The following ATOSA variants were observed in gnomAD, a reference collection of about 807,000 sequenced individuals.
ATOSA encodes the protein atos homolog A, also known as atos homolog protein A.
At chr15:52,682,280 CAA>C in the ATOSA span, among the ~76,000 whole-genome samples, 6 of 142,714 alleles carry the variant, frequency 4.2e-5, no homozygotes, top group African/African-American at 1.3e-4. Flanking sequence ...GTTCTCCCCT[CAA>C]AAAAAAAAAA....
the ATOSA span, chr15:52,610,257 T>C: frequency 1.2e-6 from 2 of 1,613,892 alleles, no homozygotes; most frequent in African/African-American, 1.3e-5. Context: ...GATAATTAGA[T>C]TGTCTGGGCA....
At chr15:52,667,638 C>G in the ATOSA span, among the ~76,000 whole-genome samples, 1 of 152,178 alleles carries the variant, frequency 6.6e-6, no homozygotes, top group Admixed American at 6.5e-5. Flanking sequence ...ATTACCATGG[C>G]TGATTTCAAG....
the ATOSA span, among the ~76,000 whole-genome samples, chr15:52,619,678 C>T: frequency 7.3e-5 from 11 of 151,706 alleles, no homozygotes; most frequent in African/African-American, 2.7e-4. Context: ...ACTAAAAATA[C>T]AAAAATCAGC....
the ATOSA span, among the ~76,000 whole-genome samples, chr15:52,682,628 G>A: frequency 2.0e-5 from 3 of 152,272 alleles, no homozygotes; most frequent in Admixed American, 1.3e-4. Context: ...ATAAGTGGTT[G>A]AGAGTCAAAT....
At chr15:52,665,279 G>A in the ATOSA span, among the ~76,000 whole-genome samples, 1 of 152,178 alleles carries the variant, frequency 6.6e-6, no homozygotes, top group African/African-American at 2.4e-5. Flanking sequence ...AAATTACGGG[G>A]GTGAGGGGAG....
the ATOSA span, among the ~76,000 whole-genome samples, chr15:52,589,543 T>A: frequency 3.3e-5 from 5 of 151,990 alleles, no homozygotes; most frequent in Non-Finnish European, 5.9e-5. Context: ...TCAATTTATT[T>A]AAAAAAACAG....
chr15:52,627,867 G>A, the ATOSA span, among the ~76,000 whole-genome samples: 8 of 152,088 alleles, frequency 5.3e-5, no homozygotes, highest in African/African-American at 1.7e-4. Context: ...AGCCAATTCT[G>A]CCATCTGATT....
the ATOSA span, chr15:52,656,623 G>A: frequency 6.6e-6 from 1 of 152,046 alleles, no homozygotes; most frequent in East Asian, 1.9e-4. Flanking sequence ...AGAAGAAAAT[G>A]TTCTAGCCTG....
chr15:52,642,598 C>T, the ATOSA span, among the ~76,000 whole-genome samples: 25 of 152,168 alleles, frequency 1.6e-4, no homozygotes, highest in African/African-American at 5.8e-4. Flanking sequence ...GAGTACAAAA[C>T]TTGTTCCAAC....
the ATOSA span, among the ~76,000 whole-genome samples, chr15:52,681,445 A>G: frequency 1.3e-5 from 2 of 152,196 alleles, no homozygotes; most frequent in African/African-American, 2.4e-5. Context: ...TGTTTCACCT[A>G]TAAAAGTGAG....
At chr15:52,595,436 A>G in the ATOSA span, among the ~76,000 whole-genome samples, 3 of 152,208 alleles carry the variant, frequency 2.0e-5, no homozygotes, top group Admixed American at 6.5e-5. Context: ...TTTATGGATT[A>G]AGGCAAATGA....
chr15:52,590,417 A>G, the ATOSA span, among the ~76,000 whole-genome samples: 1 of 152,180 alleles, frequency 6.6e-6, no homozygotes, highest in Non-Finnish European at 1.5e-5. Context: ...CCGGAGAATA[A>G]TATTATATGG....
At chr15:52,651,875 C>T in the ATOSA span, 3 of 1,535,380 alleles carry the variant, frequency 2.0e-6, no homozygotes, top group African/African-American at 4.1e-5. Context: ...CACACCTTCT[C>T]TGTGAAGCCC....
the ATOSA span, chr15:52,605,269 T>A: frequency 6.7e-7 from 1 of 1,492,796 alleles, no homozygotes; most frequent in Non-Finnish European, 9.2e-7. Context: ...TAATTAGATG[T>A]TAATTGTAAT....
chr15:52,601,773 G>A, the ATOSA span, among the ~76,000 whole-genome samples: 1 of 151,506 alleles, frequency 6.6e-6, no homozygotes, highest in Non-Finnish European at 1.5e-5. Flanking sequence ...TTAATTAAAG[G>A]TAAAATCATA....
At chr15:52,619,709 G>A in the ATOSA span, among the ~76,000 whole-genome samples, 2 of 151,932 alleles carry the variant, frequency 1.3e-5, no homozygotes, top group African/African-American at 4.8e-5. Flanking sequence ...GTGCATGCTT[G>A]TAATCCCAGC....
At chr15:52,602,589 TA>T in the ATOSA span, among the ~76,000 whole-genome samples, 1 of 152,328 alleles carries the variant, frequency 6.6e-6, no homozygotes, top group African/African-American at 2.4e-5. Flanking sequence ...TTTTTATGGC[TA>T]TTTCTTAGCT....
chr15:52,649,784 C>CT, the ATOSA span: 2 of 152,162 alleles, frequency 1.3e-5, no homozygotes, highest in Non-Finnish European at 2.9e-5. Flanking sequence ...CTCAACTACC[C>CT]TGAAGTTCTG....
the ATOSA span, among the ~76,000 whole-genome samples, chr15:52,665,842 C>G: frequency 6.6e-6 from 1 of 151,882 alleles, no homozygotes; most frequent in African/African-American, 2.4e-5. Context: ...ATAAATTGGC[C>G]AAATGACACA....
Sources: gnomAD v4.1 joint callset for allele counts (sites outside exome capture counted in the v4.1 genomes callset) on GRCh38, gnomAD v4.1.1 for gene constraint, MANE v1.5 for transcripts, NCBI Gene and HGNC (gene_info 2026-07-23, HGNC 2026-07-21) for gene names.